The following KCNH7 variants were observed in gnomAD, a reference collection of about 807,000 sequenced individuals.
KCNH7 encodes the protein potassium voltage-gated channel subfamily H member 7.
In KCNH7, 49 loss-of-function variants were observed where a neutral mutation model predicts 120.8. The observed-to-expected ratio is 0.41, with a 90% CI of 0.32 to 0.51. KCNH7 has a LOEUF of 0.51. Among genes scored for constraint, KCNH7 ranks in the 20% least tolerant of loss-of-function variants. KCNH7 has a pLI of 0.38. For missense variants in KCNH7, 1,097 were observed against 1,446.6 expected (o/e 0.76, Z 3.92); for synonymous variants, 547 against 516.1 (o/e 1.06, Z -0.81).
chr2:162,472,123 A>C (rs1689560324), intron 6 of KCNH7, among the ~76,000 whole-genome samples: 2 of 152,178 alleles, frequency 1.3e-5, no homozygotes, highest in Non-Finnish European at 2.9e-5. Flanking sequence ...TAGACCTAAA[A>C]CCATAAAAAC....
chr2:162,751,017 T>C (rs1312408357), intron 2 of KCNH7, among the ~76,000 whole-genome samples: 2 of 149,326 alleles, frequency 1.3e-5, no homozygotes, highest in Non-Finnish European at 3.0e-5. Context: ...CTAGGCCAAG[T>C]TAAAAAAACC....
At chr2:162,483,123 G>A (rs985621) in intron 6 of KCNH7, among the ~76,000 whole-genome samples, 37,283 of 152,078 alleles carry the variant, frequency 0.25, 8,647 homozygotes, top group African/African-American at 0.6. Flanking sequence ...TGATTTTAAC[G>A]TATCCTAAAA....
At chr2:162,834,954 G>A (rs1258557951) in intron 2 of KCNH7, among the ~76,000 whole-genome samples, 2 of 152,090 alleles carry the variant, frequency 1.3e-5, no homozygotes, top group African/African-American at 4.8e-5. Context: ...TATAGACTGT[G>A]TTGGCATCAT....
chr2:162,626,337 T>C (rs997815109), intron 2 of KCNH7, among the ~76,000 whole-genome samples: 1 of 152,154 alleles, frequency 6.6e-6, no homozygotes, highest in Non-Finnish European at 1.5e-5. Flanking sequence ...TTTTAAGTCA[T>C]GTTGAAAATC....
At chr2:162,488,734 TC>T in intron 6 of KCNH7, among the ~76,000 whole-genome samples, 1 of 152,292 alleles carries the variant, frequency 6.6e-6, no homozygotes, top group African/African-American at 2.4e-5. Context: ...TTTGCAGTGT[TC>T]TTCCTTTCTA....
intron 2 of KCNH7, among the ~76,000 whole-genome samples, chr2:162,591,566 T>G (rs1398418327): frequency 6.6e-6 from 1 of 152,024 alleles, no homozygotes; most frequent in Non-Finnish European, 1.5e-5. Flanking sequence ...AGTGGTGCAA[T>G]TAATTTGCAT....
intron 2 of KCNH7, among the ~76,000 whole-genome samples, chr2:162,777,760 T>G (rs1209826143): frequency 6.6e-6 from 1 of 152,078 alleles, no homozygotes; most frequent in Non-Finnish European, 1.5e-5. Flanking sequence ...AAGATTTCAA[T>G]CAAGGTTAAA....
At chr2:162,599,930 T>C (rs1486859245) in intron 2 of KCNH7, among the ~76,000 whole-genome samples, 1 of 152,124 alleles carries the variant, frequency 6.6e-6, no homozygotes, top group East Asian at 1.9e-4. Flanking sequence ...CATTTCAAAC[T>C]TGAATTTGTG....
intron 6 of KCNH7, among the ~76,000 whole-genome samples, chr2:162,497,836 CTCAA>C (rs147128883): frequency 0.028 from 4,190 of 152,154 alleles, 161 homozygotes; most frequent in South Asian, 0.097. Flanking sequence ...ATATTAAATG[CTCAA>C]TCAATGTCAG....
chr2:162,384,467 C>T (rs1326265573), intron 13 of KCNH7, among the ~76,000 whole-genome samples: 4 of 151,908 alleles, frequency 2.6e-5, no homozygotes, highest in Admixed American at 6.6e-5. Flanking sequence ...TGGTTGGTCA[C>T]GAAAACCTCT....
chr2:162,715,657 T>G (rs1239782874), intron 2 of KCNH7, among the ~76,000 whole-genome samples: 1 of 152,190 alleles, frequency 6.6e-6, no homozygotes, highest in East Asian at 1.9e-4. Context: ...AGAAGCAGTG[T>G]CTTGGAAAAT....
chr2:162,557,140 G>T (rs1692883051), intron 2 of KCNH7, among the ~76,000 whole-genome samples: 1 of 152,168 alleles, frequency 6.6e-6, no homozygotes, highest in South Asian at 2.1e-4. Flanking sequence ...GGTTTTGGCT[G>T]CTGTCATCTG....
intron 3 of KCNH7, among the ~76,000 whole-genome samples, chr2:162,536,404 GA>G (rs1257879510): frequency 3.9e-5 from 6 of 151,906 alleles, no homozygotes; most frequent in Non-Finnish European, 8.8e-5. Context: ...TTATGATAAT[GA>G]CAATAGTTGA....
chr2:162,451,359 TG>T (rs1688765582), intron 6 of KCNH7, among the ~76,000 whole-genome samples: 1 of 152,106 alleles, frequency 6.6e-6, no homozygotes, highest in Non-Finnish European at 1.5e-5. Flanking sequence ...ATTTAAAAAC[TG>T]ATTGGATAAA....
chr2:162,577,394 TATCC>T (rs879353149), intron 2 of KCNH7, among the ~76,000 whole-genome samples: 63 of 147,606 alleles, frequency 4.3e-4, no homozygotes, highest in Admixed American at 3.8e-3. Flanking sequence ...TCTATCTATC[TATCC>T]ATCTATCTAT....
At chr2:162,641,214 T>C (rs1684144964) in intron 2 of KCNH7, among the ~76,000 whole-genome samples, 1 of 152,222 alleles carries the variant, frequency 6.6e-6, no homozygotes, top group South Asian at 2.1e-4. Flanking sequence ...TGAATGTTTA[T>C]GGTATCTCTA....
intron 2 of KCNH7, among the ~76,000 whole-genome samples, chr2:162,740,399 G>A (rs755972971): frequency 3.2e-4 from 49 of 152,192 alleles, no homozygotes; most frequent in Non-Finnish European, 4.1e-4. Flanking sequence ...GCTTCTTCCA[G>A]GCACAACAGG....
At chr2:162,835,253 G>A (rs1685618453) in intron 2 of KCNH7, among the ~76,000 whole-genome samples, 1 of 152,012 alleles carries the variant, frequency 6.6e-6, no homozygotes, top group South Asian at 2.1e-4. Flanking sequence ...CCTGTTTTTA[G>A]TAATGTTTTG....
At chr2:162,447,715 T>C (rs747695164) in intron 6 of KCNH7, among the ~76,000 whole-genome samples, 16 of 152,168 alleles carry the variant, frequency 1.1e-4, no homozygotes, top group Non-Finnish European at 1.8e-4. Context: ...TTGTTTTAAC[T>C]TGACTGTAGT....
Sources: allele counts gnomAD v4.1 joint callset (sites outside exome capture counted in the v4.1 genomes callset), GRCh38; gene constraint gnomAD v4.1.1; transcripts MANE v1.5; gene names NCBI Gene and HGNC (gene_info 2026-07-23, HGNC 2026-07-21).